The following RFWD3 variants were observed in gnomAD, a reference collection of about 807,000 sequenced individuals.
RFWD3 encodes E3 ubiquitin-protein ligase RFWD3.
A neutral mutation model predicts 87.7 loss-of-function variants in RFWD3; 65 were observed. That is an observed-to-expected ratio of 0.74 (90% CI 0.61 to 0.91). The LOEUF is 0.91. RFWD3 is among the 40% of genes least tolerant of loss of function. The pLI is 0.00. For synonymous variants in RFWD3, 433 were observed against 352.8 expected (o/e 1.23, Z -2.55); for missense variants, 1,078 against 938.5 (o/e 1.15, Z -1.94).
At position 74,649,161 on chromosome 16, in the gene RFWD3, T is replaced by A. The variant is rs751527081; in HGVS notation, c.763A>T (p.Ile255Phe). Reference sequence around the variant, plus strand: ...TTGGGGAGGGTCTTGCCTCCATCGATACATGTAACTTCTTGCTCTGCTGAG... The same window carrying A: ...TTGGGGAGGGTCTTGCCTCCATCGAAACATGTAACTTCTTGCTCTGCTGAG... ...GVSAEQEVTC[I>F]DGGKTLPKQP... Residue 255 changes from isoleucine (I) to phenylalanine (F), a missense_variant, in exon 4 of 13, where the codon ATC becomes TTC. Ile to Phe is a conservative substitution (Grantham distance 21). Transcript: ENST00000361070. 3.2e-6 allele frequency: 5 copies of A among 1,571,230 alleles called. No individual in the cohort carries two copies. The African/African-American group carries it at 5.6e-5, about 18-fold the overall frequency.
Position 74,632,617 on chromosome 16 carries a change from T to A in RFWD3, c.1483A>T (p.Met495Leu), listed in dbSNP as rs548123185. 1.7e-5 allele frequency: 28 copies of A among 1,614,124 alleles called. No homozygotes were observed. The highest frequency in any genetic ancestry group is 2.4e-5 in the Non-Finnish European group (28 of 1,180,004). ...ANMKSSQYIP[M>L]HGKQIRGLAF... is the part of the protein sequence containing the mutation. ...AGTCCACGGATCTGTTTGCCATGCA[T>A]CGGAATGTACTGACTGCTCTTCATG... The change falls in exon 9 of 13, where the codon ATG becomes TTG. Residue 495 changes from methionine to leucine, a missense_variant. Met to Leu is a conservative substitution (Grantham distance 15). Transcript: ENST00000361070.
At chr16:74,631,304 C>T (rs953342585) in intron 9 of RFWD3, among the ~76,000 whole-genome samples, 5 of 151,954 alleles carry the variant, frequency 3.3e-5, no homozygotes, top group African/African-American at 9.7e-5. Context: ...GCCAACATGG[C>T]GAAACTAAAA....
At chr16:74,660,672 A>G in intron 2 of RFWD3, 1 of 390,378 alleles carries the variant, frequency 2.6e-6, no homozygotes, top group Non-Finnish European at 4.6e-6. Flanking sequence ...TTGGTGTACA[A>G]GACACAATCT....
chr16:74,627,427 A>T (rs1307308491), intron 11 of RFWD3, among the ~76,000 whole-genome samples: 1 of 149,422 alleles, frequency 6.7e-6, no homozygotes, highest in Non-Finnish European at 1.5e-5. Context: ...CCCCTAAGGG[A>T]GCAGGCCTGT....
intron 6 of RFWD3, 164 bp downstream of exon 6, chr16:74,644,198 T>C (rs1959917831): frequency 4.3e-6 from 3 of 699,148 alleles, no homozygotes; most frequent in Non-Finnish European, 7.6e-6. Context: ...TGATCAGACA[T>C]GAATTATAAA....
chr16:74,632,556 G>A lies in RFWD3; in HGVS notation c.1544C>T (p.Ser515Phe). 1.2e-6 allele frequency: 2 copies of A among 1,614,094 alleles called. No homozygotes were observed. The highest frequency in any genetic ancestry group is 1.1e-5 in the South Asian group (1 of 91,084). ...TTTAATAGTGTTGTCTAGGGAAGCA[G>A]AGAGTAGCAAGCCTCTGAGGTAACT... ...FSSYLRGLLL[S>F]ASLDNTIKLT... Residue 515 changes from serine (S) to phenylalanine (F), a missense_variant, in exon 9 of 13, where the codon TCT becomes TTT. By Grantham distance (155) the Ser-to-Phe change is radical (BLOSUM62 -2). Coordinates refer to ENST00000361070, the MANE Select transcript of RFWD3 (RefSeq NM_018124.4).
chr16:74,652,504 T>C (rs995246922), intron 2 of RFWD3, among the ~76,000 whole-genome samples: 3 of 152,192 alleles, frequency 2.0e-5, no homozygotes, highest in African/African-American at 7.2e-5. Flanking sequence ...TATGGCCTCA[T>C]GGGATTTTGC....
At chr16:74,656,173 C>T (rs1451038022) in intron 2 of RFWD3, among the ~76,000 whole-genome samples, 2 of 151,880 alleles carry the variant, frequency 1.3e-5, no homozygotes, top group South Asian at 2.1e-4. Flanking sequence ...CGGCTTGTGC[C>T]TTTAGTCCCA....
intron 9 of RFWD3, among the ~76,000 whole-genome samples, chr16:74,632,085 A>G (rs1214237476): frequency 6.6e-6 from 1 of 152,102 alleles, no homozygotes; most frequent in Non-Finnish European, 1.5e-5. Flanking sequence ...ACAGTCTCAG[A>G]CCAAAAAAAA....
Position 74,632,571 on chromosome 16 carries a change from C to T in RFWD3, c.1529G>A (p.Arg510Lys), listed in dbSNP as rs1367640265. The T allele has an allele frequency of 5.0e-6, 8 of 1,614,006 alleles. No homozygotes were observed. The highest frequency in any genetic ancestry group is 6.8e-6 in the Non-Finnish European group (8 of 1,180,008). The change falls in exon 9 of 13, where the codon AGA (arginine) becomes AAA (lysine). Residue 510 changes from arginine to lysine, a missense_variant. Physicochemically the swap from Arg to Lys is conservative, Grantham distance 26. Coordinates refer to ENST00000361070, the MANE Select transcript of RFWD3 (RefSeq NM_018124.4). ...IRGLAFSSYLRGLLLSASLDN... is the reference protein window; with the variant it reads ...IRGLAFSSYLKGLLLSASLDN... ...TAGGGAAGCAGAGAGTAGCAAGCCT[C>T]TGAGGTAACTGCTAAACGCCAGTCC...
chr16:74,665,743 T>G (rs1961832283), intron 1 of RFWD3, among the ~76,000 whole-genome samples: 1 of 135,730 alleles, frequency 7.4e-6, no homozygotes, highest in Non-Finnish European at 1.6e-5. Flanking sequence ...GACTTTTCTT[T>G]CTTTCTTTCT....
rs911410126 is a variant in RFWD3 at position 74,622,427 on chromosome 16, C to G, written c.*1501G>C. On this transcript the variant is annotated 3_prime_UTR_variant, in exon 13 of 13. Transcript: ENST00000361070. ...ATTGCTTGAGGCCAGGAGTCCAAGA[C>G]CAGCCTGGACAACGTAGTGAAACAT... is the stretch of plus-strand genomic sequence containing the variant. 1 of 151,886 alleles carries G rather than the reference C, an allele frequency of 6.6e-6. No homozygotes were observed. The highest frequency in any genetic ancestry group is 1.5e-5 in the Non-Finnish European group (1 of 68,000). 9.4% of individuals were successfully genotyped at this position (151,886 alleles called of 1,614,324 possible).
Position 74,626,559 on chromosome 16 carries a change from G to A in RFWD3, c.1970-5C>T. 2 of 1,612,676 alleles carry A rather than the reference G, an allele frequency of 1.2e-6. No homozygotes were observed. Among genetic ancestry groups the A allele is most frequent in the Non-Finnish European group, 1.7e-6 (2 of 1,178,758 alleles). On this transcript the variant is annotated splice_region_variant and splice_polypyrimidine_tract_variant and intron_variant, in intron 11 of 12. Coordinates refer to ENST00000361070, the MANE Select transcript of RFWD3 (RefSeq NM_018124.4). ...GTATGGTGGTGTGATTTTTATCTAT[G>A]GGACAGAGAAATCAGTGCTGCACCA...
intron 4 of RFWD3, among the ~76,000 whole-genome samples, 166 bp downstream of exon 4, chr16:74,648,966 C>T (rs1445598204): frequency 6.6e-6 from 1 of 151,936 alleles, no homozygotes; most frequent in East Asian, 1.9e-4. Flanking sequence ...CCTGTAGTTC[C>T]AGCTATTCAG....
intron 2 of RFWD3, among the ~76,000 whole-genome samples, chr16:74,654,829 A>G (rs922603738): frequency 1.3e-5 from 2 of 152,210 alleles, no homozygotes; most frequent in African/African-American, 4.8e-5. Flanking sequence ...GTGGTCTGGA[A>G]AGAAGATCAA....
chr16:74,646,968 G>A, intron 4 of RFWD3, among the ~76,000 whole-genome samples: 1 of 151,932 alleles, frequency 6.6e-6, no homozygotes, highest in Non-Finnish European at 1.5e-5. Context: ...GGCGCCTGTA[G>A]TCCCAGCTAC....
chr16:74,645,863 T>C (rs893975493), intron 4 of RFWD3, among the ~76,000 whole-genome samples: 1 of 150,606 alleles, frequency 6.6e-6, no homozygotes, highest in Non-Finnish European at 1.5e-5. Context: ...CACCATTCTC[T>C]TGCCTCAGCC....
At chr16:74,625,312 G>A (rs780343181) in intron 12 of RFWD3, among the ~76,000 whole-genome samples, 1 of 151,990 alleles carries the variant, frequency 6.6e-6, no homozygotes, top group Non-Finnish European at 1.5e-5. Flanking sequence ...CTTGAGCCCA[G>A]GAGTTTGAGA....
chr16:74,658,924 C>G (rs3923862), intron 2 of RFWD3, among the ~76,000 whole-genome samples: 19,081 of 151,996 alleles, frequency 0.13, 1,458 homozygotes, highest in Admixed American at 0.24. Flanking sequence ...TGTGCCACCA[C>G]GCCCGGCTAA....
Sources: gnomAD v4.1 joint callset for allele counts (sites outside exome capture counted in the v4.1 genomes callset) on GRCh38, gnomAD v4.1.1 for gene constraint, MANE v1.5 for transcripts, NCBI Gene and HGNC (gene_info 2026-07-23, HGNC 2026-07-21) for gene names.